CEP83: variants seen among roughly 807,000 people sequenced by gnomAD.
CEP83 encodes the protein centrosomal protein 83.
CEP83 carries 70 observed loss-of-function variants against 101.9 expected under a neutral mutation model. That is an observed-to-expected ratio of 0.69 (90% CI 0.57 to 0.84). The LOEUF (loss-of-function observed/expected upper bound fraction) is 0.84, where lower values mean the gene tolerates loss of function less well. CEP83 is among the 40% of genes least tolerant of loss of function. The pLI, the probability that CEP83 is intolerant of heterozygous loss-of-function variation, is 0.00. For synonymous variants in CEP83, 264 were observed against 267.9 expected, an observed-to-expected ratio of 0.99 and a Z score of 0.14; for missense variants, 715 against 787.2, an observed-to-expected ratio of 0.91 and a Z score of 1.10.
At chr12:94,373,032 T>C (rs1413703234) in intron 8 of CEP83, among the ~76,000 whole-genome samples, 1 of 152,190 alleles carries the variant, frequency 6.6e-6, no homozygotes, top group Non-Finnish European at 1.5e-5. Context: ...TGAACCAAAT[T>C]CCAAATGTTA....
At chr12:94,324,948 CCT>C (rs2058905697) in intron 14 of CEP83, among the ~76,000 whole-genome samples, 1 of 151,394 alleles carries the variant, frequency 6.6e-6, no homozygotes, top group Non-Finnish European at 1.5e-5. Context: ...TCCTACTATA[CCT>C]CTTTCTATTC....
intron 1 of CEP83, among the ~76,000 whole-genome samples, chr12:94,453,137 T>TA (rs2067380661): frequency 6.6e-6 from 1 of 152,198 alleles, no homozygotes; most frequent in South Asian, 2.1e-4. Flanking sequence ...TCCAAAACGT[T>TA]ACCCTACTCT....
chr12:94,413,301 C>T (rs1174710360), intron 2 of CEP83, among the ~76,000 whole-genome samples: 1 of 152,234 alleles, frequency 6.6e-6, no homozygotes, highest in Non-Finnish European at 1.5e-5. Flanking sequence ...AAAATCACAT[C>T]TTCAAGTATT....
At chr12:94,371,463 G>A (rs2061306846) in intron 8 of CEP83, among the ~76,000 whole-genome samples, 1 of 152,102 alleles carries the variant, frequency 6.6e-6, no homozygotes, top group Non-Finnish European at 1.5e-5. Flanking sequence ...CTTCTCTTTG[G>A]TAAGGAGCTT....
intron 14 of CEP83, among the ~76,000 whole-genome samples, chr12:94,327,287 CT>C (rs1394060568): frequency 1.3e-5 from 2 of 152,146 alleles, no homozygotes; most frequent in East Asian, 1.9e-4. Flanking sequence ...ATCCAATTAA[CT>C]TTTTTTCAAT....
At chr12:94,293,236 G>A in the CEP83 span, among the ~76,000 whole-genome samples, 2 of 152,158 alleles carry the variant, frequency 1.3e-5, no homozygotes, top group Non-Finnish European at 2.9e-5. Context: ...TCTGATGATG[G>A]ATGTTTGAGT....
At chr12:94,313,293 G>T in intron 14 of CEP83, 1 of 222,246 alleles carries the variant, frequency 4.5e-6, no homozygotes, top group Non-Finnish European at 8.7e-6. Flanking sequence ...ACAAAGGGAA[G>T]GAGTCAAATT....
chr12:94,412,262 G>T lies in CEP83; in HGVS notation c.173+56C>A, dbSNP rs376140764. ...TATTCTATAGCAAACATTCAGCCAA[G>T]ATAATGCCAATAACTTTTTAAAACC... On this transcript the variant is annotated intron_variant, in intron 3 of 16. Coordinates refer to ENST00000397809, the MANE Select transcript of CEP83 (RefSeq NM_016122.3). 115 of 1,391,762 alleles carry T rather than the reference G, an allele frequency of 8.3e-5. No homozygotes were observed. The South Asian group carries it at 1.4e-3, about 17-fold the overall frequency. The allele number at this position is 1,391,762 out of a possible 1,614,324, so 86.2% of individuals were successfully genotyped here. A position where few individuals can be genotyped will look rare whatever the true frequency, so the allele number is the denominator to read the frequency against.
At chr12:94,287,450 C>T in the CEP83 span, among the ~76,000 whole-genome samples, 44 of 152,280 alleles carry the variant, frequency 2.9e-4, no homozygotes, top group African/African-American at 8.7e-4. Flanking sequence ...TCACTCGCAC[C>T]CTGCTGTGAC....
intron 1 of CEP83, among the ~76,000 whole-genome samples, chr12:94,456,735 T>A (rs2067707634): frequency 6.6e-6 from 1 of 152,172 alleles, no homozygotes; most frequent in Non-Finnish European, 1.5e-5. Context: ...CCTGGTCTCT[T>A]CCCTGACACA....
intron 1 of CEP83, among the ~76,000 whole-genome samples, chr12:94,457,065 G>A (rs763342730): frequency 3.7e-4 from 56 of 152,142 alleles, no homozygotes; most frequent in Admixed American, 1.1e-3. Context: ...TTTTAAGAAA[G>A]AAGGGAATAA....
chr12:94,338,952 A>C lies in CEP83; in HGVS notation c.1344-3288T>G, dbSNP rs1379061477. On this transcript the variant is annotated intron_variant, in intron 11 of 16. Coordinates refer to ENST00000397809, the MANE Select transcript of CEP83 (RefSeq NM_016122.3). The stretch of plus-strand genomic sequence containing the variant: ...GCAGGCAGCTGATATACTGATATAT[A>C]CTATTTCTTTTTTTTTTTTTCTTTT... Among the ~76,000 whole-genome samples, 3 of 151,508 alleles carry C rather than the reference A, an allele frequency of 2.0e-5. No homozygotes were observed. The South Asian group carries it at 6.3e-4, about 32-fold the overall frequency.
intron 2 of CEP83, among the ~76,000 whole-genome samples, chr12:94,413,213 AAATGC>A (rs2064020777): frequency 2.0e-5 from 3 of 152,214 alleles, no homozygotes; most frequent in Admixed American, 1.3e-4. Flanking sequence ...TCATAAAACA[AAATGC>A]AAATATAAAG....
chr12:94,385,828 A>G (rs2062113472), intron 6 of CEP83, among the ~76,000 whole-genome samples: 2 of 152,214 alleles, frequency 1.3e-5, no homozygotes, highest in Admixed American at 1.3e-4. Context: ...CATACATATG[A>G]CAGGGGTCCC....
At chr12:94,299,567 CTT>C in the CEP83 span, among the ~76,000 whole-genome samples, 2 of 151,344 alleles carry the variant, frequency 1.3e-5, no homozygotes, top group East Asian at 1.9e-4. Flanking sequence ...GTTCTAGCCT[CTT>C]TTTTTTTGAG....
At chr12:94,413,699 C>A (rs2064056190) in intron 2 of CEP83, among the ~76,000 whole-genome samples, 1 of 152,080 alleles carries the variant, frequency 6.6e-6, no homozygotes. Flanking sequence ...CTCAGTATTA[C>A]AAACGTCACT....
At position 94,366,014 on chromosome 12, in the gene CEP83, C is replaced by G. The variant is rs1451354491; in HGVS notation, c.1343+1780G>C. Among the ~76,000 whole-genome samples the G allele has an allele frequency of 3.3e-5, 5 of 152,016 alleles. No homozygotes were observed. In the South Asian group the frequency reaches 6.2e-4, roughly 19 times the overall value. On this transcript the variant is annotated intron_variant, in intron 11 of 16. Transcript: ENST00000397809. ...AAACAAAAAATGTAGGAAGTCTAAACCAGAAACTAATGAGATTAATCTCAC... is the reference window on the plus strand; with the variant it reads ...AAACAAAAAATGTAGGAAGTCTAAAGCAGAAACTAATGAGATTAATCTCAC...
intron 11 of CEP83, among the ~76,000 whole-genome samples, chr12:94,354,754 G>T (rs751888872): frequency 1.3e-5 from 2 of 152,210 alleles, no homozygotes; most frequent in Non-Finnish European, 2.9e-5. Flanking sequence ...GCTCACACCT[G>T]TAATCCCAAC....
chr12:94,353,368 GAA>G (rs1281897781), intron 11 of CEP83, among the ~76,000 whole-genome samples: 16 of 152,234 alleles, frequency 1.1e-4, no homozygotes, highest in Admixed American at 9.8e-4. Context: ...AACTGAAAAT[GAA>G]AAGACAATGA....
Sources: allele counts gnomAD v4.1 joint callset (sites outside exome capture counted in the v4.1 genomes callset), GRCh38; gene constraint gnomAD v4.1.1; transcripts MANE v1.5; gene names NCBI Gene and HGNC (gene_info 2026-07-23, HGNC 2026-07-21).